Variants in NKAIN2 observed in about 807,000 individuals in gnomAD.
NKAIN2 encodes the protein sodium/potassium transporting ATPase interacting 2.
NKAIN2 carries 14 observed loss-of-function variants against 32.6 expected under a neutral mutation model. The ratio of observed to expected loss-of-function variants is 0.43; its 90% CI spans 0.28 to 0.67. The LOEUF is 0.67. NKAIN2 is among the 30% of genes least tolerant of loss of function. The pLI, the probability that NKAIN2 is intolerant of heterozygous loss-of-function variation, is 0.17. For synonymous variants in NKAIN2, 80 were observed against 87.2 expected (o/e 0.92, Z 0.46); for missense variants, 198 against 258.3 (o/e 0.77, Z 1.60).
At chr6:124,082,524 A>G (rs1784021578) in intron 1 of NKAIN2, among the ~76,000 whole-genome samples, 1 of 151,956 alleles carries the variant, frequency 6.6e-6, no homozygotes, top group Admixed American at 6.6e-5. Context: ...TCCATTTATT[A>G]TTCATTCATT....
intron 3 of NKAIN2, among the ~76,000 whole-genome samples, chr6:124,616,316 G>C (rs1782885299): frequency 6.6e-6 from 1 of 151,666 alleles, no homozygotes; most frequent in African/African-American, 2.4e-5. Flanking sequence ...TGTTGGTCTG[G>C]CAGTAGCTCA....
At chr6:124,545,311 A>C (rs1470098216) in intron 3 of NKAIN2, among the ~76,000 whole-genome samples, 1 of 152,162 alleles carries the variant, frequency 6.6e-6, no homozygotes, top group East Asian at 1.9e-4. Flanking sequence ...AAACAATGAA[A>C]AAAATCATTT....
At chr6:124,118,312 A>G (rs1280266780) in intron 1 of NKAIN2, among the ~76,000 whole-genome samples, 2 of 152,198 alleles carry the variant, frequency 1.3e-5, no homozygotes, top group African/African-American at 4.8e-5. Context: ...AGGAAACAAC[A>G]CTAGGAAACT....
chr6:124,060,882 A>G (rs1782891976), intron 1 of NKAIN2, among the ~76,000 whole-genome samples: 1 of 152,222 alleles, frequency 6.6e-6, no homozygotes, highest in South Asian at 2.1e-4. Context: ...GCCACTAAAA[A>G]TAAAATGTCA....
At chr6:124,651,401 G>A (rs950871732) in intron 3 of NKAIN2, among the ~76,000 whole-genome samples, 1 of 152,190 alleles carries the variant, frequency 6.6e-6, no homozygotes, top group South Asian at 2.1e-4. Flanking sequence ...CTCACTACCT[G>A]TATTCCACTA....
chr6:124,074,170 G>A (rs1783586572), intron 1 of NKAIN2, among the ~76,000 whole-genome samples: 1 of 152,124 alleles, frequency 6.6e-6, no homozygotes, highest in African/African-American at 2.4e-5. Context: ...ATTGTGACAG[G>A]GATGAAATGT....
At chr6:124,016,019 CT>C (rs745675196) in intron 1 of NKAIN2, among the ~76,000 whole-genome samples, 52 of 149,518 alleles carry the variant, frequency 3.5e-4, no homozygotes, top group East Asian at 1.2e-3. Context: ...CAAGATGAAA[CT>C]TTTTTTTTTA....
chr6:123,984,392 C>T (rs1208211744), intron 1 of NKAIN2, among the ~76,000 whole-genome samples: 1 of 152,020 alleles, frequency 6.6e-6, no homozygotes, highest in Non-Finnish European at 1.5e-5. Context: ...CTATTTATAA[C>T]TTCAACACAT....
chr6:124,452,176 C>G (rs987358463), intron 3 of NKAIN2, among the ~76,000 whole-genome samples: 1 of 141,370 alleles, frequency 7.1e-6, no homozygotes, highest in African/African-American at 2.6e-5. Flanking sequence ...GCCTGGGTGA[C>G]AGAGCAAGAC....
At chr6:123,831,031 C>T (rs1282679207) in intron 1 of NKAIN2, among the ~76,000 whole-genome samples, 1 of 152,132 alleles carries the variant, frequency 6.6e-6, no homozygotes, top group Non-Finnish European at 1.5e-5. Flanking sequence ...CTTTATGGAA[C>T]AATGCAAGTC....
rs184055591 is a variant in NKAIN2, at chr6:124,156,962, G to A, written c.55-126043G>A. Among the ~76,000 whole-genome samples, 231 of 151,848 alleles carry A rather than the reference G, an allele frequency of 1.5e-3. 3 individuals carry two copies. The highest frequency in any genetic ancestry group is 2.6e-3 in the Non-Finnish European group (180 of 67,932). The stretch of plus-strand genomic sequence containing the variant: ...TACTAAAAATACAAAAATTAACGTG[G>A]TGTGGTGGTGCACATCTGTAGTTCC... On this transcript the variant is annotated intron_variant, in intron 1 of 6. Coordinates refer to ENST00000368417, the MANE Select transcript of NKAIN2 (RefSeq NM_001040214.3).
intron 3 of NKAIN2, among the ~76,000 whole-genome samples, chr6:124,378,757 G>C (rs1045846894): frequency 4.6e-5 from 7 of 151,942 alleles, no homozygotes; most frequent in Non-Finnish European, 1.0e-4. Context: ...AATTTCCATG[G>C]TGGTGCTACA....
chr6:123,871,569 T>C (rs1772881123), intron 1 of NKAIN2, among the ~76,000 whole-genome samples: 1 of 152,186 alleles, frequency 6.6e-6, no homozygotes, highest in African/African-American at 2.4e-5. Flanking sequence ...CTTGTTTTAA[T>C]AGTGTACATA....
chr6:123,900,146 C>T (rs1323955065), intron 1 of NKAIN2, among the ~76,000 whole-genome samples: 2 of 152,080 alleles, frequency 1.3e-5, no homozygotes, highest in Admixed American at 6.6e-5. Context: ...GTTGTCTCAC[C>T]TTTTTTCATA....
At chr6:124,380,639 T>C (rs1427091529) in intron 3 of NKAIN2, among the ~76,000 whole-genome samples, 1 of 152,174 alleles carries the variant, frequency 6.6e-6, no homozygotes, top group Admixed American at 6.5e-5. Context: ...TGGGGAACCC[T>C]GATACTCTTT....
chr6:124,604,716 T>A lies in NKAIN2; in HGVS notation c.274-53470T>A, dbSNP rs1301057456. On this transcript the variant is annotated intron_variant, in intron 3 of 6. Transcript: ENST00000368417. ...ATTAAAAGGTACTTCTCTAGCATTT[T>A]ACCTATTTGAGTGGAGCAATGAAAT... Among the ~76,000 whole-genome samples, 3 of 152,048 alleles carry A rather than the reference T, an allele frequency of 2.0e-5. No individual in the cohort carries two copies. In the East Asian group the frequency reaches 5.8e-4, roughly 29 times the overall value.
chr6:124,548,517 T>C (rs1481930975), intron 3 of NKAIN2, among the ~76,000 whole-genome samples: 3 of 152,186 alleles, frequency 2.0e-5, no homozygotes, highest in East Asian at 1.9e-4. Context: ...TCTGTCCTTA[T>C]CCAGCACTCA....
At chr6:124,398,191 T>TGCAG (rs1773471916) in intron 3 of NKAIN2, among the ~76,000 whole-genome samples, 1 of 138,296 alleles carries the variant, frequency 7.2e-6, no homozygotes, top group Non-Finnish European at 1.5e-5. Flanking sequence ...AGGCGGAGCT[T>TGCAG]GCAGTGAGCC....
intron 1 of NKAIN2, among the ~76,000 whole-genome samples, chr6:123,959,102 T>A (rs1278355861): frequency 6.6e-6 from 1 of 151,578 alleles, no homozygotes. Context: ...GTGAGAGGGG[T>A]TTATATATGT....
Sources: allele counts gnomAD v4.1 joint callset (sites outside exome capture counted in the v4.1 genomes callset), GRCh38; gene constraint gnomAD v4.1.1; transcripts MANE v1.5; gene names NCBI Gene and HGNC (gene_info 2026-07-23, HGNC 2026-07-21).